Variants in GALNT6 observed in about 807,000 individuals in gnomAD.
GALNT6 encodes the protein polypeptide N-acetylgalactosaminyltransferase 6.
Under a neutral mutation model 65.9 loss-of-function variants are expected in GALNT6, and 51 were observed. The observed-to-expected ratio is 0.77, with a 90% CI of 0.62 to 0.98. The LOEUF (loss-of-function observed/expected upper bound fraction) is 0.98, where lower values mean the gene tolerates loss of function less well. GALNT6 is among the 50% of genes least tolerant of loss of function. The pLI is 0.00. For synonymous variants in GALNT6, 323 were observed against 315.1 expected, an observed-to-expected ratio of 1.02 and a Z score of -0.26; for missense variants, 708 against 803.3, an observed-to-expected ratio of 0.88 and a Z score of 1.43.
intron 10 of GALNT6, among the ~76,000 whole-genome samples, chr12:51,356,498 G>A (rs1946752146): frequency 6.7e-6 from 1 of 149,744 alleles, no homozygotes; most frequent in Admixed American, 6.7e-5. Flanking sequence ...AGCTGAGACT[G>A]CAGGCGTGTA....
chr12:51,358,067 G>C, intron 9 of GALNT6, 63 bp downstream of exon 9: 1 of 1,474,814 alleles, frequency 6.8e-7, no homozygotes, highest in South Asian at 1.2e-5. Flanking sequence ...TGGGGTCAGT[G>C]GTCTTGAACT....
Position 51,357,348 on chromosome 12 carries a change from C to A in GALNT6, c.1602+1G>T. 6.2e-7 allele frequency: 1 copy of A among 1,603,038 alleles called. No individual in the cohort carries two copies. The highest frequency in any genetic ancestry group is 1.1e-5 in the South Asian group (1 of 90,868). ...GCTCCGGAGATGGGTGGGCTGCATA[C>A]CTGGTTGCCGCCAAGGCCGTGGCAG... is the stretch of plus-strand genomic sequence containing the variant. On this transcript the variant is annotated splice_donor_variant, in intron 10 of 11. Transcript: ENST00000356317. LOFTEE classifies it high-confidence loss of function.
chr12:51,358,394 G>A, intron 8 of GALNT6, 133 bp from the exon 9 acceptor site: 1 of 996,746 alleles, frequency 1.0e-6, no homozygotes, highest in South Asian at 1.7e-5. Flanking sequence ...TTCCCCTCCT[G>A]GGTTCAAGCG....
chr12:51,390,164 T>TC (rs1948001250), intron 2 of GALNT6, among the ~76,000 whole-genome samples: 1 of 47,236 alleles, frequency 2.1e-5, no homozygotes, highest in East Asian at 6.3e-4. Flanking sequence ...TTCTTTTTTT[T>TC]TTTTTTTTTT....
chr12:51,362,434 G>A (rs3782472), intron 6 of GALNT6, among the ~76,000 whole-genome samples: 42,735 of 152,110 alleles, frequency 0.28, 6,260 homozygotes, highest in African/African-American at 0.35. Context: ...TCCTCCTGGG[G>A]TGGGGGCGCT....
chr12:51,375,151 C>T (rs1384301871), intron 4 of GALNT6, among the ~76,000 whole-genome samples: 1 of 152,156 alleles, frequency 6.6e-6, no homozygotes, highest in Non-Finnish European at 1.5e-5. Flanking sequence ...GCTGGGATTA[C>T]AGGGGTGAGC....
chr12:51,379,815 G>A lies in GALNT6; in HGVS notation c.-34C>T. 6.4e-7 allele frequency: 1 copy of A among 1,571,630 alleles called. No homozygotes were observed. Among genetic ancestry groups the A allele is most frequent in the Non-Finnish European group, 8.6e-7 (1 of 1,163,704 alleles). On this transcript the variant is annotated 5_prime_UTR_variant, in exon 3 of 12. Transcript: ENST00000356317. ...ACCAAGGGGCACCCCAGCTGCGTCA[G>A]CTCTGAGTCCTGAGCCCAACCCTGG...
chr12:51,356,137 G>A (rs1245979899), intron 10 of GALNT6, among the ~76,000 whole-genome samples, 179 bp from the exon 11 acceptor site: 1 of 151,094 alleles, frequency 6.6e-6, no homozygotes, highest in Non-Finnish European at 1.5e-5. Flanking sequence ...GGTTATGCTG[G>A]AATTTTATAT....
intron 3 of GALNT6, 44 bp from the exon 4 acceptor site, chr12:51,377,411 A>T (rs1005719021): frequency 6.3e-7 from 1 of 1,576,264 alleles, no homozygotes. Flanking sequence ...GGTCCCTGGG[A>T]GTACCAGGTG....
At chr12:51,358,575 ACAGGCGTGAGC>A (rs1389036812) in intron 8 of GALNT6, among the ~76,000 whole-genome samples, 1 of 152,142 alleles carries the variant, frequency 6.6e-6, no homozygotes, top group Non-Finnish European at 1.5e-5. Context: ...TGCTGGGATT[ACAGGCGTGAGC>A]CACCACACCC....
Position 51,364,191 on chromosome 12 carries a change from G to A in GALNT6, c.979C>T (p.Leu327=), listed in dbSNP as rs1421858553. The A allele has an allele frequency of 6.2e-7, 1 of 1,614,060 alleles. No homozygotes were observed. Among genetic ancestry groups the A allele is most frequent in the Non-Finnish European group, 8.5e-7 (1 of 1,180,036 alleles). The part of the protein sequence containing the change: ...VHSRGNFDWS[L]TFGWETLPPH... ...GGAAGTGTTTCCCAGCCGAAGGTCAGGCTCCAGTCAAAGTTGCCTCGGCTA... is the reference window on the plus strand; with the variant it reads ...GGAAGTGTTTCCCAGCCGAAGGTCAAGCTCCAGTCAAAGTTGCCTCGGCTA... Residue 327 remains leucine, a synonymous_variant, in exon 6 of 12, where the codon CTG becomes TTG. Coordinates refer to ENST00000356317, the MANE Select transcript of GALNT6 (RefSeq NM_007210.4).
At chr12:51,372,470 A>G (rs536194752) in intron 4 of GALNT6, among the ~76,000 whole-genome samples, 3 of 152,272 alleles carry the variant, frequency 2.0e-5, no homozygotes, top group East Asian at 3.9e-4. Context: ...CAGCCTCCCA[A>G]AGTGCTGGGA....
At chr12:51,389,041 A>G (rs570850025) in intron 2 of GALNT6, among the ~76,000 whole-genome samples, 1 of 152,302 alleles carries the variant, frequency 6.6e-6, no homozygotes, top group East Asian at 1.9e-4. Flanking sequence ...CCTTTTACAC[A>G]GCACAATTAC....
rs924954314 is a variant in GALNT6, at chr12:51,354,442, G to A, written c.1806C>T (p.Asp602=). ...TGCAGGGGGCCATGGCTGGCTTTTT[G>A]TCCTGGGATGTCAGGCAGGTACCAG... is the stretch of plus-strand genomic sequence containing the variant. ...SGSGTCLTSQ[D]KKPAMAPCNP... is the part of the protein sequence containing the mutation. Residue 602 remains aspartate, a synonymous_variant, in exon 12 of 12, where the codon GAC becomes GAT. Transcript: ENST00000356317. 3 of 1,592,638 alleles carry A rather than the reference G, an allele frequency of 1.9e-6. No individual in the cohort carries two copies. Among genetic ancestry groups the A allele is most frequent in the Non-Finnish European group, 2.6e-6 (3 of 1,172,142 alleles).
Position 51,357,412 on chromosome 12 carries a change from A to G in GALNT6, c.1539T>C (p.Gly513=). The G allele has an allele frequency of 6.2e-7, 1 of 1,614,084 alleles. No homozygotes were observed. The highest frequency in any genetic ancestry group is 8.5e-7 in the Non-Finnish European group (1 of 1,179,934). The change falls in exon 10 of 12, where the codon GGT becomes GGC. Residue 513 remains glycine, a synonymous_variant. Coordinates refer to ENST00000356317, the MANE Select transcript of GALNT6 (RefSeq NM_007210.4). ...GGGGCTTCCCCCCGCGGTTGTTCTC[A>G]CCCACATCCAGGCATTGGTTGGTGC... The part of the protein sequence containing the change: ...NLGTNQCLDV[G]ENNRGGKPLI...
chr12:51,355,241 T>C (rs1319754310), intron 11 of GALNT6, among the ~76,000 whole-genome samples: 2 of 152,314 alleles, frequency 1.3e-5, no homozygotes, highest in East Asian at 1.9e-4. Flanking sequence ...CTTCTTCTAA[T>C]TGGGTTCAGC....
At chr12:51,390,156 CTTTTT>C (rs796243349) in intron 2 of GALNT6, among the ~76,000 whole-genome samples, 5 of 116,322 alleles carry the variant, frequency 4.3e-5, no homozygotes, top group African/African-American at 1.3e-4. Context: ...TTCTTTCTTT[CTTTTT>C]TTTTTTTTTT....
chr12:51,365,286 G>A (rs1330749617), intron 5 of GALNT6, 144 bp downstream of exon 5: 2 of 676,264 alleles, frequency 3.0e-6, no homozygotes, highest in South Asian at 2.3e-5. Flanking sequence ...TGAGAAAGGG[G>A]TAGAGGCACC....
intron 8 of GALNT6, 109 bp from the exon 9 acceptor site, chr12:51,358,370 G>A (rs924152684): frequency 9.5e-6 from 12 of 1,264,228 alleles, no homozygotes; most frequent in Admixed American, 2.2e-5. Context: ...GTGCAATCTC[G>A]GCTCACTGCA....
Sources: allele counts gnomAD v4.1 joint callset (sites outside exome capture counted in the v4.1 genomes callset), GRCh38; gene constraint gnomAD v4.1.1; transcripts MANE v1.5; gene names NCBI Gene and HGNC (gene_info 2026-07-23, HGNC 2026-07-21).